Variants in NRBP2 observed in about 807,000 individuals in gnomAD.
The protein encoded by NRBP2 is nuclear receptor binding protein 2.
In NRBP2, 47 loss-of-function variants were observed where a neutral mutation model predicts 74.4. The ratio of observed to expected loss-of-function variants is 0.63; its 90% confidence interval spans 0.50 to 0.81. The LOEUF (loss-of-function observed/expected upper bound fraction) is 0.81. Ranked by LOEUF, NRBP2 falls within the 30% of genes least tolerant of loss-of-function variation. NRBP2 has a pLI of 0.00. For synonymous variants in NRBP2, 312 were observed against 273.8 expected, an observed-to-expected ratio of 1.14 and a Z score of -1.38; for missense variants, 613 against 690.1, an observed-to-expected ratio of 0.89 and a Z score of 1.25.
In NRBP2 at chr8:143,837,349, G is replaced by A. The variant is rs782649764; in HGVS notation, c.1077-50C>T. 6.6e-7 allele frequency: 1 copy of A among 1,524,222 alleles called. No individual in the cohort carries two copies. Among genetic ancestry groups the A allele is most frequent in the Admixed American group, 1.9e-5 (1 of 53,698 alleles). 94.4% of individuals were successfully genotyped at this position (1,524,222 alleles called of 1,614,324 possible). On this transcript the variant is annotated intron_variant, in intron 12 of 17. Transcript: ENST00000442628. This position sits in a 1 kb window ranked among gnomAD's most constrained non-coding sequence, Gnocchi z 4.3. ...GAGGGGCTGGCCGGGGCGAGGGGAG[G>A]GGAGGTGCGGGGAGGGGAGGTGTGG...
rs1241330528 is a variant in NRBP2 at position 143,835,447 on chromosome 8, T to C, written c.*215A>G. The C allele has an allele frequency of 1.1e-5, 7 of 647,872 alleles. No individual in the cohort carries two copies. Among genetic ancestry groups the C allele is most frequent in the African/African-American group, 3.7e-5 (2 of 53,780 alleles). 40.1% of individuals were successfully genotyped at this position (647,872 alleles called of 1,614,324 possible). ...GGGGGCAACCCTGATCCTAAGGACC[T>C]GGGAGGCCTAACGGCTCCCCCACAC... On this transcript the variant is annotated 3_prime_UTR_variant, in exon 18 of 18. Transcript: ENST00000442628. This position sits in a 1 kb window ranked among gnomAD's most constrained non-coding sequence, Gnocchi z 4.9.
Position 143,837,702 on chromosome 8 carries a change from G to A in NRBP2, c.894C>T (p.His298=), listed in dbSNP as rs782072316. Residue 298 remains histidine, a synonymous_variant, in exon 11 of 18, where the codon CAC becomes CAT. Transcript: ENST00000442628. The surrounding 1 kb of genome is among the most constrained non-coding windows in gnomAD (Gnocchi z 4.3). ...AGAGCACGCGGTGGAAGAGGAGGCTGTGGGCAGAGGGCCGGCGGGCAGGGT... is the reference window on the plus strand; with the variant it reads ...AGAGCACGCGGTGGAAGAGGAGGCTATGGGCAGAGGGCCGGCGGGCAGGGT... ...ARDPARRPSA[H]SLLFHRVLFE... The A allele has an allele frequency of 1.9e-6, 3 of 1,570,690 alleles. No individual in the cohort carries two copies. The highest frequency in any genetic ancestry group is 2.6e-6 in the Non-Finnish European group (3 of 1,157,506).
chr8:143,837,174 C>T lies in NRBP2; in HGVS notation c.1128G>A (p.Arg376=), dbSNP rs1563860593. The change falls in exon 14 of 18, where the codon AGG becomes AGA. Residue 376 remains arginine, a splice_region_variant and synonymous_variant. Coordinates refer to ENST00000442628, the MANE Select transcript of NRBP2 (RefSeq NM_178564.4). This position sits in a 1 kb window ranked among gnomAD's most constrained non-coding sequence, Gnocchi z 4.3. ...MELDKFLEDV[R]NGIYPLMNFA... ...AGTTCATCAGTGGGTAGATTCCATT[C>T]CTGGGGACACAACAGGGTGGCTGGG... 6.2e-7 allele frequency: 1 copy of T among 1,613,448 alleles called. No individual in the cohort carries two copies. The highest frequency in any genetic ancestry group is 2.2e-5 in the East Asian group (1 of 44,842).
downstream of NRBP2, among the ~76,000 whole-genome samples, chr8:143,832,542 ATC>A (rs1818201242): frequency 6.6e-6 from 1 of 152,272 alleles, no homozygotes; most frequent in Non-Finnish European, 1.5e-5. Flanking sequence ...TGCATGCTCC[ATC>A]TACTGAGATA....
chr8:143,838,120 T>C, intron 10 of NRBP2: 1 of 473,070 alleles, frequency 2.1e-6, no homozygotes, highest in Non-Finnish European at 3.9e-6. Context: ...TCTGTCCACA[T>C]CCGTGCCCAG....
In NRBP2 at chr8:143,839,799, T is replaced by C. The variant is rs1554653198; in HGVS notation, c.381A>G (p.Ser127=). ...TGAGGAATTGCTTGAGGCTGCCTGA[T>C]GACACGTACTCTGTGATGAAGATGA... ...ARVIFITEYV[S]SGSLKQFLKK... is the part of the protein sequence containing the mutation. Residue 127 remains serine (S), a synonymous_variant, in exon 4 of 18, where the codon TCA becomes TCG. Transcript: ENST00000442628. The surrounding 1 kb of genome is among the most constrained non-coding windows in gnomAD (Gnocchi z 5.1). The C allele has an allele frequency of 4.6e-6, 7 of 1,536,118 alleles. No homozygotes were observed. The highest frequency in any genetic ancestry group is 6.1e-6 in the Non-Finnish European group (7 of 1,146,894).
chr8:143,838,987 C>T, intron 8 of NRBP2, 30 bp downstream of exon 8: 1 of 1,560,500 alleles, frequency 6.4e-7, no homozygotes, highest in Non-Finnish European at 8.7e-7. Context: ...GCAGGGTAGG[C>T]ACGGGGCACC....
chr8:143,838,861 A>G (rs1209355295), intron 9 of NRBP2, 22 bp downstream of exon 9: 1 of 1,613,332 alleles, frequency 6.2e-7, no homozygotes, highest in South Asian at 1.1e-5. Context: ...GCAGAGCACA[A>G]GGTGGAGGGC....
Position 143,835,213 on chromosome 8 carries a change from T to TCG in NRBP2, c.*448_*449insCG. The TCG allele has an allele frequency of 5.0e-6, 1 of 200,242 alleles. No homozygotes were observed. The highest frequency in any genetic ancestry group is 1.0e-5 in the Non-Finnish European group (1 of 97,462). 12.4% of individuals were successfully genotyped at this position (200,242 alleles called of 1,614,324 possible). ...GCTGTGCAGGCTCCTTGTGTGGGTC[T>TCG]ATGGTGCCAGCAGGGGATGGCTGCT... On this transcript the variant is annotated 3_prime_UTR_variant, in exon 18 of 18. Transcript: ENST00000442628. This position sits in a 1 kb window ranked among gnomAD's most constrained non-coding sequence, Gnocchi z 4.9.
chr8:143,839,333 G>A lies in NRBP2; in HGVS notation c.561C>T (p.Gly187=). The A allele has an allele frequency of 2.5e-6, 4 of 1,584,764 alleles. No individual in the cohort carries two copies. The highest frequency in any genetic ancestry group is 1.1e-5 in the South Asian group (1 of 88,574). The change falls in exon 6 of 18, where the codon GGC becomes GGT. Residue 187 remains glycine (G), a synonymous_variant. Coordinates refer to ENST00000442628, the MANE Select transcript of NRBP2 (RefSeq NM_178564.4). This position sits in a 1 kb window ranked among gnomAD's most constrained non-coding sequence, Gnocchi z 5.1. ...CAGCACCGGAGCCGATCTTGATGAGGCCGTTGTGCTGAATGAAGATGGTGT... is the reference window on the plus strand; with the variant it reads ...CAGCACCGGAGCCGATCTTGATGAGACCGTTGTGCTGAATGAAGATGGTGT... ...TSDTIFIQHN[G]LIKIGSVWHR...
intron 10 of NRBP2, among the ~76,000 whole-genome samples, chr8:143,838,315 G>A (rs1818519619): frequency 6.6e-6 from 1 of 151,466 alleles, no homozygotes; most frequent in African/African-American, 2.5e-5. Flanking sequence ...GAAGCTTAAA[G>A]TCAAGGACTT....
At position 143,837,116 on chromosome 8, in the gene NRBP2, C is replaced by T; in HGVS notation, c.1186G>A (p.Val396Met). The change falls in exon 14 of 18, where the codon GTG (valine) becomes ATG (methionine). Residue 396 changes from valine (V) to methionine (M), a missense_variant. Val to Met is a conservative substitution (Grantham distance 21). Around this residue, in one of 2 missense-constraint regions of NRBP2, gnomAD observed 281 missense variants for 260.9 expected, o/e 1.08. Transcript: ENST00000442628. This position sits in a 1 kb window ranked among gnomAD's most constrained non-coding sequence, Gnocchi z 4.3. The part of the protein sequence containing the change: ...AATRPLGLPR[V>M]LAPPPEEVQK... ...ACCTCCTCCGGGGGTGGGGCCAGCA[C>T]ACGGGGCAGCCCCAGGGGTCGAGTG... 3 of 1,612,770 alleles carry T rather than the reference C, an allele frequency of 1.9e-6. No individual in the cohort carries two copies. Among genetic ancestry groups the T allele is most frequent in the Non-Finnish European group, 2.5e-6 (3 of 1,179,318 alleles).
Position 143,838,929 on chromosome 8 carries a change from T to C in NRBP2, c.698A>G (p.Asp233Gly). ...FFPPEYGEVA[D>G]GTAVDIFSFG... Reference sequence around the variant, plus strand: ...GGAGAAGATGTCCACAGCGGTCCCATCGGCCACCTCTGAACAGAAGAGAGC... The same window carrying C: ...GGAGAAGATGTCCACAGCGGTCCCACCGGCCACCTCTGAACAGAAGAGAGC... Residue 233 changes from aspartate (D) to glycine (G), a missense_variant, in exon 9 of 18, where the codon GAT (aspartate) becomes GGT (glycine). This residue lies in a region of NRBP2 where 332 missense variants were observed against 429.2 expected (regional missense o/e 0.77). Transcript: ENST00000442628. The C allele has an allele frequency of 3.1e-6, 5 of 1,608,100 alleles. No individual in the cohort carries two copies. Among genetic ancestry groups the C allele is most frequent in the Non-Finnish European group, 4.2e-6 (5 of 1,177,290 alleles).
downstream of NRBP2, among the ~76,000 whole-genome samples, chr8:143,832,561 A>G (rs1394060412): frequency 6.6e-6 from 1 of 152,266 alleles, no homozygotes; most frequent in African/African-American, 2.4e-5. Context: ...GATAGGGAAA[A>G]ACCGCCTTAG....
In NRBP2 at chr8:143,835,743, G is replaced by T. The variant is rs998406795; in HGVS notation, c.1438-13C>A. On this transcript the variant is annotated splice_polypyrimidine_tract_variant and intron_variant, in intron 17 of 17. Transcript: ENST00000442628. The surrounding 1 kb of genome is among the most constrained non-coding windows in gnomAD (Gnocchi z 4.9). ...TCATCCGGTCGTCCTGCGGAAGGAG[G>T]GAGGCATGGGGGACGGAGGGGCGCG... 34 of 1,596,548 alleles carry T rather than the reference G, an allele frequency of 2.1e-5. No individual in the cohort carries two copies. Among genetic ancestry groups the T allele is most frequent in the Admixed American group, 1.4e-4 (8 of 55,640 alleles).
Position 143,839,630 on chromosome 8 carries a change from G to T in NRBP2, c.445-81C>A. 6.6e-7 allele frequency: 1 copy of T among 1,508,446 alleles called. No homozygotes were observed. Among genetic ancestry groups the T allele is most frequent in the South Asian group, 1.2e-5 (1 of 80,034 alleles). The allele number at this position is 1,508,446 out of a possible 1,614,324, so 93.4% of individuals were successfully genotyped here. A position where few individuals can be genotyped will look rare whatever the true frequency, so the allele number is the denominator to read the frequency against. On this transcript the variant is annotated intron_variant, in intron 4 of 17. Coordinates refer to ENST00000442628, the MANE Select transcript of NRBP2 (RefSeq NM_178564.4). The surrounding 1 kb of genome is among the most constrained non-coding windows in gnomAD (Gnocchi z 5.1). ...CCTGCGGAGCCCGCCCCGCATCCTC[G>T]CCCAGCCCCTGTCCGAGGCCGCCGG...
Position 143,835,798 on chromosome 8 carries a change from C to G in NRBP2, c.1437+22G>C. ...GCCCCGTGCGCCCCCTCCGCCAGGC[C>G]GCGCCGCACCGCCCAGCGCACCTCG... On this transcript the variant is annotated intron_variant, in intron 17 of 17. Transcript: ENST00000442628. The surrounding 1 kb of genome is among the most constrained non-coding windows in gnomAD (Gnocchi z 4.9). 1.3e-6 allele frequency: 2 copies of G among 1,599,780 alleles called. No individual in the cohort carries two copies. Among genetic ancestry groups the G allele is most frequent in the Non-Finnish European group, 1.7e-6 (2 of 1,173,772 alleles).
In NRBP2 at chr8:143,836,195, G is replaced by A. The variant is rs1488548273; in HGVS notation, c.1264-15C>T. On this transcript the variant is annotated splice_polypyrimidine_tract_variant and intron_variant, in intron 14 of 17. Coordinates refer to ENST00000442628, the MANE Select transcript of NRBP2 (RefSeq NM_178564.4). ...ATCTGGATGACCTGCAGCGGGGGAA[G>A]GCTGGGACTCACAAACCCAGCAGCA... The A allele has an allele frequency of 6.5e-7, 1 of 1,532,462 alleles. No individual in the cohort carries two copies. Among genetic ancestry groups the A allele is most frequent in the Non-Finnish European group, 8.7e-7 (1 of 1,147,936 alleles). The allele number at this position is 1,532,462 out of a possible 1,614,324, so 94.9% of individuals were successfully genotyped here. A position where few individuals can be genotyped will look rare whatever the true frequency, so the allele number is the denominator to read the frequency against.
At chr8:143,832,384 A>C (rs1441176707), downstream of NRBP2, among the ~76,000 whole-genome samples, 1 of 151,980 alleles carries the variant, frequency 6.6e-6, no homozygotes, top group Non-Finnish European at 1.5e-5. Context: ...GAAAGACCTG[A>C]CCGTCCCCCA....
Sources: allele counts gnomAD v4.1 joint callset (sites outside exome capture counted in the v4.1 genomes callset), GRCh38; gene constraint gnomAD v4.1.1; regional missense constraint gnomAD v4.1.1; non-coding constraint Gnocchi (gnomAD v3.1); transcripts MANE v1.5; gene names NCBI Gene and HGNC (gene_info 2026-07-23, HGNC 2026-07-21).